ANKDD1B: variants seen among roughly 807,000 people sequenced by gnomAD.
ANKDD1B encodes the protein ankyrin repeat and death domain-containing protein 1B.
Under a neutral mutation model 59.7 loss-of-function variants are expected in ANKDD1B, and 57 were observed. That is an observed-to-expected ratio of 0.95 (90% CI 0.77 to 1.19). The LOEUF is 1.19. Ranked by LOEUF, ANKDD1B falls within the 50% of genes most tolerant of loss-of-function variation. The pLI, the probability that ANKDD1B is intolerant of heterozygous loss-of-function variation, is 0.00. For synonymous variants in ANKDD1B, 216 were observed against 239.5 expected, an observed-to-expected ratio of 0.90 and a Z score of 0.91; for missense variants, 602 against 641.9, an observed-to-expected ratio of 0.94 and a Z score of 0.67.
At chr5:75,658,780 T>C (rs1048277628) in intron 9 of ANKDD1B, among the ~76,000 whole-genome samples, 32 of 152,340 alleles carry the variant, frequency 2.1e-4, no homozygotes, top group African/African-American at 7.5e-4. Context: ...ATAATTTTTA[T>C]TGTAGTAAAA....
Position 75,611,657 on chromosome 5 carries a change from G to C in ANKDD1B, c.23G>C (p.Arg8Pro), listed in dbSNP as rs962511509. Residue 8 changes from arginine (R) to proline (P), a missense_variant, in exon 1 of 14, where the codon CGG (arginine) becomes CCG (proline). Arg to Pro is a moderately radical substitution (Grantham distance 103). Around this residue, in one of 3 missense-constraint regions of ANKDD1B, gnomAD observed 317 missense variants for 304.6 expected, o/e 1.04. Coordinates refer to ENST00000601380, the MANE Select transcript of ANKDD1B (RefSeq NM_001276713.2). The part of the protein sequence containing the change: MDPAGRA[R>P]GQGATAGGLL... ...ACTATGGACCCCGCCGGGCGCGCCC[G>C]GGGCCAAGGGGCCACGGCAGGGGGG... 6 of 1,231,292 alleles carry C rather than the reference G, an allele frequency of 4.9e-6. No homozygotes were observed. In the African/African-American group the frequency reaches 6.2e-5, roughly 13 times the overall value. The allele number at this position is 1,231,292 out of a possible 1,614,324, so 76.3% of individuals were successfully genotyped here.
chr5:75,649,184 CTTTT>C (rs35027297), intron 7 of ANKDD1B, among the ~76,000 whole-genome samples: 1 of 125,936 alleles, frequency 7.9e-6, no homozygotes, highest in Non-Finnish European at 1.7e-5. Context: ...TTCCTCTTTA[CTTTT>C]TTTTTTTTTT....
Position 75,653,127 on chromosome 5 carries a change from T to G in ANKDD1B, c.799-15T>G. On this transcript the variant is annotated splice_polypyrimidine_tract_variant and intron_variant, in intron 7 of 13. Transcript: ENST00000601380. ...AATGAGAGTTCCTCCTTGCCCTCTC[T>G]ATTGTCTCTTGCAGCTCAATATCAG... The G allele has an allele frequency of 6.6e-7, 1 of 1,521,484 alleles. No homozygotes were observed. 94.2% of individuals were successfully genotyped at this position (1,521,484 alleles called of 1,614,324 possible).
At chr5:75,618,484 A>C (rs1773769298) in intron 2 of ANKDD1B, among the ~76,000 whole-genome samples, 1 of 152,234 alleles carries the variant, frequency 6.6e-6, no homozygotes, top group African/African-American at 2.4e-5. Context: ...ACTCCTAATG[A>C]ATTGTATTAT....
chr5:75,622,762 TA>T (rs1436480985), intron 3 of ANKDD1B, among the ~76,000 whole-genome samples: 1 of 152,160 alleles, frequency 6.6e-6, no homozygotes, highest in African/African-American at 2.4e-5. Context: ...ACTGTGAGTG[TA>T]ATTTGTGACA....
At chr5:75,656,193 G>A (rs1315557087) in intron 9 of ANKDD1B, 66 bp downstream of exon 9, 1 of 755,178 alleles carries the variant, frequency 1.3e-6, no homozygotes, top group Non-Finnish European at 2.1e-6. Context: ...TGTGTTTATG[G>A]GGAGTTTTGA....
chr5:75,629,181 A>C (rs953174841), intron 5 of ANKDD1B, among the ~76,000 whole-genome samples: 1 of 152,170 alleles, frequency 6.6e-6, no homozygotes, highest in Admixed American at 6.5e-5. Flanking sequence ...GATTTCATCA[A>C]ATCTATTGTT....
At chr5:75,632,322 A>G (rs76592438) in intron 5 of ANKDD1B, among the ~76,000 whole-genome samples, 1,625 of 152,290 alleles carry the variant, frequency 0.011, 39 homozygotes, top group African/African-American at 0.037. Context: ...AGGAGATCAA[A>G]TGATGTCAGC....
At chr5:75,629,589 C>T (rs181897141) in intron 5 of ANKDD1B, among the ~76,000 whole-genome samples, 269 of 151,700 alleles carry the variant, frequency 1.8e-3, no homozygotes, top group African/African-American at 6.2e-3. Flanking sequence ...TAAACAATCC[C>T]AATCCCTCAG....
chr5:75,634,275 A>G (rs1402602878), intron 5 of ANKDD1B, among the ~76,000 whole-genome samples: 2 of 152,116 alleles, frequency 1.3e-5, no homozygotes, highest in Admixed American at 1.3e-4. Flanking sequence ...AAAAAATCAA[A>G]CCTAAACATT....
At chr5:75,664,394 T>A (rs1775253598) in intron 11 of ANKDD1B, among the ~76,000 whole-genome samples, 1 of 152,252 alleles carries the variant, frequency 6.6e-6, no homozygotes. Context: ...TTTTCTTGCC[T>A]GTAAAACAAA....
intron 7 of ANKDD1B, among the ~76,000 whole-genome samples, 161 bp downstream of exon 7, chr5:75,636,043 C>A (rs1774292823): frequency 6.6e-6 from 1 of 152,228 alleles, no homozygotes; most frequent in South Asian, 2.1e-4. Context: ...TATCCCACAG[C>A]ACTTCATTTG....
At chr5:75,647,456 C>T (rs1321821436) in intron 7 of ANKDD1B, among the ~76,000 whole-genome samples, 1 of 128,164 alleles carries the variant, frequency 7.8e-6, no homozygotes, top group African/African-American at 4.2e-5. Flanking sequence ...TGAACAGACA[C>T]TTCTCAAAAG....
At chr5:75,651,505 C>T (rs1027043975) in intron 7 of ANKDD1B, among the ~76,000 whole-genome samples, 7 of 152,252 alleles carry the variant, frequency 4.6e-5, no homozygotes, top group South Asian at 2.1e-4. Flanking sequence ...CTGAAAGGGC[C>T]GAGTAGGAAG....
intron 9 of ANKDD1B, 27 bp downstream of exon 9, chr5:75,656,154 G>T (rs749445368): frequency 2.6e-6 from 3 of 1,172,522 alleles, no homozygotes; most frequent in Non-Finnish European, 3.6e-6. Context: ...AGAGCCTGGA[G>T]GGTCTCTTTT....
intron 9 of ANKDD1B, 54 bp downstream of exon 9, chr5:75,656,181 T>C: frequency 1.2e-6 from 1 of 827,976 alleles, no homozygotes. Context: ...TTCAACACAG[T>C]GTGTGTTTAT....
intron 7 of ANKDD1B, among the ~76,000 whole-genome samples, chr5:75,652,286 A>G (rs1774853459): frequency 6.6e-6 from 1 of 152,174 alleles, no homozygotes; most frequent in Non-Finnish European, 1.5e-5. Flanking sequence ...TTTGGGAGGG[A>G]CGCAAACATT....
chr5:75,625,691 T>C lies in ANKDD1B; in HGVS notation c.441T>C (p.Leu147=). 1 of 1,536,536 alleles carries C rather than the reference T, an allele frequency of 6.5e-7. No homozygotes were observed. Among genetic ancestry groups the C allele is most frequent in the Non-Finnish European group, 8.7e-7 (1 of 1,147,004 alleles). Residue 147 remains leucine, a synonymous_variant, in exon 4 of 14, where the codon CTT becomes CTC. Transcript: ENST00000601380. ...ACCTTGCAGCCTGGTCTGGGAGCCTTGAGGTCATGCTCATGCTGGTTAAAG... is the reference window on the plus strand; with the variant it reads ...ACCTTGCAGCCTGGTCTGGGAGCCTCGAGGTCATGCTCATGCTGGTTAAAG... ...VIHLAAWSGS[L]EVMLMLVKAG... is the part of the protein sequence containing the mutation.
At chr5:75,620,454 T>G (rs1472002051) in intron 3 of ANKDD1B, 41 bp downstream of exon 3, 1 of 1,078,412 alleles carries the variant, frequency 9.3e-7, no homozygotes, top group Non-Finnish European at 1.4e-6. Flanking sequence ...GCATAACCAA[T>G]GTACAGGGAG....
Sources: gnomAD v4.1 joint callset for allele counts (sites outside exome capture counted in the v4.1 genomes callset) on GRCh38, gnomAD v4.1.1 for gene constraint, gnomAD v4.1.1 regional missense constraint, MANE v1.5 for transcripts, NCBI Gene and HGNC (gene_info 2026-07-23, HGNC 2026-07-21) for gene names.